The following DLGAP2 variants were observed in gnomAD, a reference collection of about 807,000 sequenced individuals.
DLGAP2 encodes the protein DLG associated protein 2.
In DLGAP2, 26 loss-of-function variants were observed where a neutral mutation model predicts 100.3. The observed-to-expected ratio is 0.26, with a 90% CI of 0.19 to 0.36. The LOEUF (loss-of-function observed/expected upper bound fraction) is 0.36, where lower values mean the gene tolerates loss of function less well. Ranked by LOEUF, DLGAP2 falls within the 10% of genes least tolerant of loss-of-function variation. The pLI is 1.00. For synonymous variants in DLGAP2, 886 were observed against 630.1 expected (o/e 1.41, Z -6.08); for missense variants, 1,858 against 1,453.2 (o/e 1.28, Z -4.53).
chr8:830,281 C>G (rs552544632), intron 1 of DLGAP2, among the ~76,000 whole-genome samples: 3 of 152,272 alleles, frequency 2.0e-5, no homozygotes, highest in African/African-American at 7.2e-5. Flanking sequence ...TCCCCTCAAG[C>G]ATTTATCCTT....
chr8:820,222 T>C (rs1448387452), intron 1 of DLGAP2, among the ~76,000 whole-genome samples: 3 of 152,248 alleles, frequency 2.0e-5, no homozygotes, highest in African/African-American at 7.2e-5. Flanking sequence ...ATGTTAAATA[T>C]GTAATCATTA....
chr8:1,320,495 G>T (rs763766439), intron 3 of DLGAP2, among the ~76,000 whole-genome samples: 1 of 152,194 alleles, frequency 6.6e-6, no homozygotes, highest in Admixed American at 6.5e-5. Flanking sequence ...CCGGGCAGAC[G>T]GGTGAACGGG....
chr8:1,637,328 G>C (rs1222314304), intron 8 of DLGAP2, among the ~76,000 whole-genome samples: 2 of 152,054 alleles, frequency 1.3e-5, no homozygotes, highest in Non-Finnish European at 2.9e-5. Context: ...CACAAAATCT[G>C]AAAACCAGAA....
intron 2 of DLGAP2, among the ~76,000 whole-genome samples, chr8:981,023 C>T (rs115655452): frequency 0.019 from 2,965 of 152,104 alleles, 101 homozygotes; most frequent in African/African-American, 0.068. Flanking sequence ...CATCTATTTC[C>T]GGAAAATTTT....
At chr8:870,144 C>A (rs1044119850) in intron 1 of DLGAP2, among the ~76,000 whole-genome samples, 2 of 152,004 alleles carry the variant, frequency 1.3e-5, no homozygotes, top group Admixed American at 1.3e-4. Flanking sequence ...TGTAATAGTC[C>A]ATTATCTTGA....
At chr8:876,654 C>T (rs750836189) in intron 1 of DLGAP2, among the ~76,000 whole-genome samples, 1 of 152,144 alleles carries the variant, frequency 6.6e-6, no homozygotes, top group Non-Finnish European at 1.5e-5. Flanking sequence ...TGTGGAGCTT[C>T]CTGGATGTGT....
intron 3 of DLGAP2, among the ~76,000 whole-genome samples, chr8:1,331,460 G>A (rs564660996): frequency 6.6e-6 from 1 of 152,282 alleles, no homozygotes; most frequent in South Asian, 2.1e-4. Flanking sequence ...ACCATGCCGG[G>A]CAAACAACAG....
intron 2 of DLGAP2, among the ~76,000 whole-genome samples, chr8:961,476 G>A (rs919027415): frequency 2.6e-5 from 4 of 152,142 alleles, no homozygotes; most frequent in Non-Finnish European, 5.9e-5. Flanking sequence ...TTTCTTTAAG[G>A]TGTGTACTTA....
intron 2 of DLGAP2, among the ~76,000 whole-genome samples, chr8:1,125,741 A>G (rs1207644091): frequency 1.3e-5 from 2 of 152,236 alleles, no homozygotes; most frequent in Non-Finnish European, 2.9e-5. Context: ...TGTCTTGTGT[A>G]TAAGTTACTG....
chr8:1,099,115 C>T (rs111602881), intron 2 of DLGAP2, among the ~76,000 whole-genome samples: 105 of 152,132 alleles, frequency 6.9e-4, no homozygotes, highest in African/African-American at 2.5e-3. Flanking sequence ...TAAAATAACC[C>T]CAGTTCTCAG....
At chr8:852,344 C>T (rs1030785954) in intron 1 of DLGAP2, among the ~76,000 whole-genome samples, 1 of 152,138 alleles carries the variant, frequency 6.6e-6, no homozygotes, top group Non-Finnish European at 1.5e-5. Flanking sequence ...CAGTAGCCTC[C>T]TGTTTGAAAT....
intron 13 of DLGAP2, among the ~76,000 whole-genome samples, chr8:1,696,845 G>A (rs1799410103): frequency 1.3e-5 from 2 of 152,208 alleles, no homozygotes; most frequent in African/African-American, 4.8e-5. Context: ...CAAAAACACA[G>A]GCTCCTACTG....
chr8:1,476,647 C>T (rs73536516), intron 3 of DLGAP2, among the ~76,000 whole-genome samples: 2,505 of 152,304 alleles, frequency 0.016, 77 homozygotes, highest in African/African-American at 0.057. Flanking sequence ...CGGACCCACC[C>T]GTGATGGCTG....
intron 2 of DLGAP2, among the ~76,000 whole-genome samples, chr8:1,048,456 T>A (rs1802576842): frequency 6.6e-6 from 1 of 152,016 alleles, no homozygotes; most frequent in Admixed American, 6.6e-5. Context: ...GACGGCATCG[T>A]CTGTGCGTCT....
chr8:1,680,504 C>G (rs375913222), intron 12 of DLGAP2: 5 of 152,334 alleles, frequency 3.3e-5, no homozygotes, highest in African/African-American at 1.2e-4. Flanking sequence ...GCCTGTTCTT[C>G]CACATTTGTC....
chr8:1,318,572 C>T (rs1800820262), intron 3 of DLGAP2, among the ~76,000 whole-genome samples: 1 of 151,506 alleles, frequency 6.6e-6, no homozygotes, highest in Middle Eastern at 3.4e-3. Context: ...TCGTTACCTC[C>T]AGTTTATCAC....
chr8:848,873 G>GCC (rs1797121687), intron 1 of DLGAP2, among the ~76,000 whole-genome samples: 7 of 151,018 alleles, frequency 4.6e-5, no homozygotes, highest in South Asian at 4.2e-4. Context: ...ATCGCGCGGT[G>GCC]TCTGTTCCAG....
intron 1 of DLGAP2, among the ~76,000 whole-genome samples, chr8:855,845 C>T (rs946646728): frequency 6.6e-6 from 1 of 152,144 alleles, no homozygotes; most frequent in South Asian, 2.1e-4. Flanking sequence ...TTGAAAAAAT[C>T]CAATCCCATT....
intron 6 of DLGAP2, among the ~76,000 whole-genome samples, chr8:1,615,980 A>G (rs1027521297): frequency 3.3e-5 from 5 of 152,230 alleles, no homozygotes; most frequent in African/African-American, 1.2e-4. Context: ...TGAATGATAT[A>G]AAAATGTCTG....
Sources: gnomAD v4.1 joint callset for allele counts (sites outside exome capture counted in the v4.1 genomes callset) on GRCh38, gnomAD v4.1.1 for gene constraint, MANE v1.5 for transcripts, NCBI Gene and HGNC (gene_info 2026-07-23, HGNC 2026-07-21) for gene names.